SEMA6D: variants seen among roughly 807,000 people sequenced by gnomAD.
SEMA6D encodes semaphorin-6D.
In SEMA6D, 35 loss-of-function variants were observed where a neutral mutation model predicts 106.6. The ratio of observed to expected loss-of-function variants is 0.33; its 90% CI spans 0.25 to 0.44. The LOEUF (loss-of-function observed/expected upper bound fraction) is 0.44. Among genes scored for constraint, SEMA6D ranks in the 20% least tolerant of loss-of-function variants. SEMA6D has a pLI of 1.00. For missense variants in SEMA6D, 1,185 were observed against 1,345.9 expected, an observed-to-expected ratio of 0.88 and a Z score of 1.87; for synonymous variants, 499 against 487.7, an observed-to-expected ratio of 1.02 and a Z score of -0.31.
At chr15:47,296,555 G>T (rs1254668246) in intron 1 of SEMA6D, among the ~76,000 whole-genome samples, 1 of 152,170 alleles carries the variant, frequency 6.6e-6, no homozygotes, top group African/African-American at 2.4e-5. Context: ...AAGGGGGAAT[G>T]TTAACTGAAA....
At chr15:47,279,995 G>T (rs1347226507) in intron 1 of SEMA6D, among the ~76,000 whole-genome samples, 15 of 150,352 alleles carry the variant, frequency 1.0e-4, no homozygotes, top group East Asian at 5.9e-4. Flanking sequence ...TCTCTTTTTT[G>T]GTTGTGTCTC....
chr15:47,200,578 TAAAG>T (rs939370331), intron 1 of SEMA6D, among the ~76,000 whole-genome samples: 15 of 152,288 alleles, frequency 9.8e-5, no homozygotes, highest in East Asian at 9.6e-4. Context: ...ATTACTAAAA[TAAAG>T]AAATATTAAT....
intron 2 of SEMA6D, among the ~76,000 whole-genome samples, chr15:47,437,595 A>G (rs1481523733): frequency 6.6e-6 from 1 of 152,142 alleles, no homozygotes; most frequent in African/African-American, 2.4e-5. Context: ...TGGTTAGTTA[A>G]ACTGTGAAAA....
At chr15:47,491,287 T>C (rs2141435993) in intron 3 of SEMA6D, among the ~76,000 whole-genome samples, 1 of 152,288 alleles carries the variant, frequency 6.6e-6, no homozygotes, top group East Asian at 1.9e-4. Flanking sequence ...AAAAATAACT[T>C]GTGATATATT....
In SEMA6D at chr15:47,637,284, A is replaced by G. The variant is rs530449525; in HGVS notation, c.-55+36388A>G. Among the ~76,000 whole-genome samples, 3 of 152,306 alleles carry G rather than the reference A, an allele frequency of 2.0e-5. No homozygotes were observed. The South Asian group carries it at 6.2e-4, about 32-fold the overall frequency. On this transcript the variant is annotated intron_variant, in intron 4 of 19. Coordinates refer to the SEMA6D transcript ENST00000558014. ...TTCCACCCCAAACAGTGCTTTCCCT[A>G]AGACAGCTTCTGGTAAATGTGGGTT...
At chr15:47,730,920 TCTTTC>T in intron 1 of SEMA6D, 1 of 787,634 alleles carries the variant, frequency 1.3e-6, no homozygotes, top group Non-Finnish European at 2.2e-6. Context: ...CCCTTGGCCT[TCTTTC>T]CTTTCAGCAT....
At chr15:47,633,740 T>G (rs571881046) in intron 4 of SEMA6D, among the ~76,000 whole-genome samples, 2 of 152,312 alleles carry the variant, frequency 1.3e-5, no homozygotes, top group East Asian at 3.9e-4. Flanking sequence ...TTTCTTTTTC[T>G]TCTGACATCT....
At chr15:47,251,966 A>G (rs1939071097) in intron 1 of SEMA6D, among the ~76,000 whole-genome samples, 1 of 111,382 alleles carries the variant, frequency 9.0e-6, no homozygotes, top group South Asian at 2.9e-4. Context: ...CCCAGGCTGG[A>G]GTGCAGTGGC....
chr15:47,386,334 T>C (rs2039838707), intron 1 of SEMA6D, among the ~76,000 whole-genome samples: 1 of 152,104 alleles, frequency 6.6e-6, no homozygotes, highest in South Asian at 2.1e-4. Flanking sequence ...AAAAGAAAGC[T>C]AAGCAGAAGG....
intron 1 of SEMA6D, among the ~76,000 whole-genome samples, chr15:47,256,551 A>G (rs539724467): frequency 6.6e-6 from 1 of 152,250 alleles, no homozygotes; most frequent in Admixed American, 6.5e-5. Context: ...GTATTTTGTG[A>G]CCTTACTGAA....
intron 1 of SEMA6D, among the ~76,000 whole-genome samples, chr15:47,297,277 T>G (rs1239324355): frequency 6.6e-6 from 1 of 152,242 alleles, no homozygotes; most frequent in African/African-American, 2.4e-5. Flanking sequence ...ATAAAACAGA[T>G]GTTTCGACTA....
chr15:47,198,316 A>G (rs1566920598), intron 1 of SEMA6D, among the ~76,000 whole-genome samples: 2 of 152,110 alleles, frequency 1.3e-5, no homozygotes, highest in Non-Finnish European at 2.9e-5. Context: ...CTGTGGGCGG[A>G]TTTTGTGTTC....
intron 1 of SEMA6D, among the ~76,000 whole-genome samples, chr15:47,311,181 A>T (rs780474537): frequency 2.0e-4 from 31 of 152,146 alleles, no homozygotes; most frequent in Middle Eastern, 3.2e-3. Flanking sequence ...CAGTTACTTG[A>T]TATGTTTATT....
At chr15:47,478,399 A>G (rs2043057746) in intron 3 of SEMA6D, among the ~76,000 whole-genome samples, 2 of 152,218 alleles carry the variant, frequency 1.3e-5, no homozygotes, top group Admixed American at 1.3e-4. Flanking sequence ...CAAGCAGACA[A>G]TTAACTTGTT....
chr15:47,251,110 C>T (rs902944824), intron 1 of SEMA6D, among the ~76,000 whole-genome samples: 2 of 152,040 alleles, frequency 1.3e-5, no homozygotes, highest in Non-Finnish European at 2.9e-5. Flanking sequence ...CCAGAAACCC[C>T]CAATACAAGA....
At chr15:47,756,282 G>T (rs2081730349) in intron 1 of SEMA6D, among the ~76,000 whole-genome samples, 1 of 151,934 alleles carries the variant, frequency 6.6e-6, no homozygotes, top group South Asian at 2.1e-4. Flanking sequence ...TGTTTGGATG[G>T]TATACATAAA....
At chr15:47,616,679 G>T (rs1453521441) in intron 4 of SEMA6D, among the ~76,000 whole-genome samples, 3 of 152,000 alleles carry the variant, frequency 2.0e-5, no homozygotes, top group Non-Finnish European at 4.4e-5. Flanking sequence ...GGCTACGACA[G>T]AATTTGTGTG....
At chr15:47,324,014 C>T (rs2037030719) in intron 1 of SEMA6D, among the ~76,000 whole-genome samples, 1 of 150,852 alleles carries the variant, frequency 6.6e-6, no homozygotes, top group Non-Finnish European at 1.5e-5. Context: ...AATGATAAAA[C>T]TGGAGTTTTC....
At chr15:47,418,765 G>A (rs1286905875) in intron 2 of SEMA6D, among the ~76,000 whole-genome samples, 1 of 152,072 alleles carries the variant, frequency 6.6e-6, no homozygotes, top group Non-Finnish European at 1.5e-5. Context: ...AGAGGATAGG[G>A]TCCTGTGCCT....
Sources: gnomAD v4.1 joint callset for allele counts (sites outside exome capture counted in the v4.1 genomes callset) on GRCh38, gnomAD v4.1.1 for gene constraint, MANE v1.5 for transcripts, NCBI Gene and HGNC (gene_info 2026-07-23, HGNC 2026-07-21) for gene names.